The following GABRA2 variants were observed in gnomAD, a reference collection of about 807,000 sequenced individuals.
The protein encoded by GABRA2 is gamma-aminobutyric acid type A receptor subunit alpha2.
Under a neutral mutation model 48.7 loss-of-function variants are expected in GABRA2, and 16 were observed. The observed-to-expected ratio is 0.33, with a 90% CI of 0.22 to 0.50. The LOEUF is 0.50. Ranked by LOEUF, GABRA2 falls within the 20% of genes least tolerant of loss-of-function variation. The pLI, the probability that GABRA2 is intolerant of heterozygous loss-of-function variation, is 0.98. For missense variants in GABRA2, 275 were observed against 535.6 expected (o/e 0.51, Z 4.80); for synonymous variants, 185 against 184.5 (o/e 1.00, Z -0.02).
upstream of GABRA2, chr4:46,390,263 G>C: frequency 7.0e-6 from 1 of 143,472 alleles, no homozygotes; most frequent in Non-Finnish European, 1.4e-5. Context: ...GTAACTGACC[G>C]TCGCCCGCCT....
rs1714430677 is a variant in GABRA2, at chr4:46,250,070, G to C, written c.*238C>G. ...GTCACTTGAAATTCACTTTAAATCAGGTCCTAGGGTAAATCTTTAAAAAAG... is the reference window on the plus strand; with the variant it reads ...GTCACTTGAAATTCACTTTAAATCACGTCCTAGGGTAAATCTTTAAAAAAG... On this transcript the variant is annotated 3_prime_UTR_variant, in exon 10 of 10. Transcript: ENST00000381620. The C allele has an allele frequency of 2.3e-6, 1 of 426,420 alleles. No homozygotes were observed. The allele number at this position is 426,420 out of a possible 1,614,324, so 26.4% of individuals were successfully genotyped here. A position where few individuals can be genotyped will look rare whatever the true frequency, so the allele number is the denominator to read the frequency against.
chr4:46,315,232 T>C (rs1474293752), intron 4 of GABRA2, among the ~76,000 whole-genome samples: 2 of 151,700 alleles, frequency 1.3e-5, no homozygotes, highest in South Asian at 2.1e-4. Context: ...TCTCTGATGA[T>C]TGGTGATGTG....
chr4:46,348,388 C>T (rs1415998746), intron 3 of GABRA2, among the ~76,000 whole-genome samples: 1 of 151,930 alleles, frequency 6.6e-6, no homozygotes, highest in Non-Finnish European at 1.5e-5. Context: ...GGATCTAGAA[C>T]TAGAAATACC....
intron 8 of GABRA2, among the ~76,000 whole-genome samples, chr4:46,278,856 G>A (rs1720994641): frequency 6.6e-6 from 1 of 151,992 alleles, no homozygotes; most frequent in African/African-American, 2.4e-5. Flanking sequence ...AGACGATGGT[G>A]AGGGAAATAG....
rs574450367 is a variant in GABRA2, at chr4:46,356,942, C to T, written c.188-24260G>A. Among the ~76,000 whole-genome samples the T allele has an allele frequency of 8.6e-4, 130 of 151,622 alleles. 1 individual carries two copies. Among genetic ancestry groups the T allele is most frequent in the African/African-American group, 3.1e-3 (128 of 41,408 alleles). On this transcript the variant is annotated intron_variant, in intron 3 of 9. Coordinates refer to ENST00000381620, the MANE Select transcript of GABRA2 (RefSeq NM_000807.4). ...TTTGCCACTTTCTCTGATTTAAGAT[C>T]CCCTTGCCCAGAAGAGTTGTGTCCT... is the stretch of plus-strand genomic sequence containing the variant.
intron 4 of GABRA2, among the ~76,000 whole-genome samples, chr4:46,315,646 A>G (rs772553115): frequency 1.3e-4 from 19 of 151,982 alleles, no homozygotes; most frequent in Admixed American, 3.3e-4. Flanking sequence ...CATCTATTGC[A>G]ATTATACATT....
At chr4:46,335,537 G>A (rs279832) in intron 3 of GABRA2, among the ~76,000 whole-genome samples, 57,301 of 151,920 alleles carry the variant, frequency 0.38, 11,533 homozygotes, top group East Asian at 0.56. Flanking sequence ...GCAGTGGTGC[G>A]ATCTCAGCTC....
At chr4:46,368,696 T>A (rs1307003894) in intron 3 of GABRA2, 1 of 344,030 alleles carries the variant, frequency 2.9e-6, no homozygotes, top group East Asian at 4.4e-5. Flanking sequence ...CAGATTTTGT[T>A]TAGTTTGATT....
intron 8 of GABRA2, among the ~76,000 whole-genome samples, chr4:46,262,625 C>T (rs1178609802): frequency 1.3e-5 from 2 of 152,112 alleles, no homozygotes; most frequent in African/African-American, 4.8e-5. Context: ...AGAGGCTGGG[C>T]ATGGTGGCTC....
intron 4 of GABRA2, among the ~76,000 whole-genome samples, chr4:46,326,008 G>A (rs1162776247): frequency 2.0e-5 from 3 of 151,912 alleles, no homozygotes; most frequent in Non-Finnish European, 2.9e-5. Context: ...GTAGTGTAAT[G>A]CCTCCAGCTT....
At chr4:46,315,117 G>T (rs1350225341) in intron 4 of GABRA2, among the ~76,000 whole-genome samples, 1 of 148,792 alleles carries the variant, frequency 6.7e-6, no homozygotes. Flanking sequence ...CAGTGTGTAA[G>T]TATTCACTTT....
At chr4:46,349,123 T>C (rs563648061) in intron 3 of GABRA2, among the ~76,000 whole-genome samples, 1 of 151,912 alleles carries the variant, frequency 6.6e-6, no homozygotes, top group Non-Finnish European at 1.5e-5. Flanking sequence ...TTTTGAGACA[T>C]AATGCTGTTT....
At chr4:46,254,576 C>T (rs190864010) in intron 9 of GABRA2, among the ~76,000 whole-genome samples, 2 of 151,122 alleles carry the variant, frequency 1.3e-5, no homozygotes, top group Non-Finnish European at 3.0e-5. Flanking sequence ...AAATATACAC[C>T]GTGTTCCAGA....
chr4:46,299,666 G>T (rs1424954066), intron 8 of GABRA2, among the ~76,000 whole-genome samples: 1 of 132,566 alleles, frequency 7.5e-6, no homozygotes, highest in East Asian at 2.2e-4. Flanking sequence ...TGGAGAATTG[G>T]GTTTCTTTCT....
At chr4:46,308,627 A>T (rs1395184537) in intron 6 of GABRA2, among the ~76,000 whole-genome samples, 1 of 152,214 alleles carries the variant, frequency 6.6e-6, no homozygotes, top group Admixed American at 6.5e-5. Context: ...AAGAAAACAA[A>T]ATTAGTGCTA....
intron 3 of GABRA2, among the ~76,000 whole-genome samples, chr4:46,337,248 G>A (rs1008172786): frequency 9.2e-5 from 14 of 152,018 alleles, no homozygotes; most frequent in Non-Finnish European, 1.9e-4. Flanking sequence ...AGACATGGAG[G>A]TTTCACTCTT....
intron 3 of GABRA2, among the ~76,000 whole-genome samples, chr4:46,346,200 G>C (rs1340405329): frequency 6.6e-6 from 1 of 152,062 alleles, no homozygotes; most frequent in Non-Finnish European, 1.5e-5. Flanking sequence ...ATGGTACTTA[G>C]TGTTCTCTAG....
chr4:46,289,735 C>T (rs1723222500), intron 8 of GABRA2, among the ~76,000 whole-genome samples: 1 of 151,988 alleles, frequency 6.6e-6, no homozygotes, highest in African/African-American at 2.4e-5. Context: ...AATCAATTGT[C>T]CGTACATGTT....
At chr4:46,369,097 T>A (rs893953004) in intron 3 of GABRA2, 1 of 671,214 alleles carries the variant, frequency 1.5e-6, no homozygotes, top group Non-Finnish European at 2.7e-6. Flanking sequence ...ATATGGGAAA[T>A]AGGGTAGGGC....
Sources: gnomAD v4.1 joint callset for allele counts (sites outside exome capture counted in the v4.1 genomes callset) on GRCh38, gnomAD v4.1.1 for gene constraint, MANE v1.5 for transcripts, NCBI Gene and HGNC (gene_info 2026-07-23, HGNC 2026-07-21) for gene names.